CHSY1: variants seen among roughly 807,000 people sequenced by gnomAD.
CHSY1 encodes the protein N-acetylgalactosaminyl-proteoglycan 3-beta-glucuronosyltransferase 1.
In CHSY1, 13 loss-of-function variants were observed where a neutral mutation model predicts 59.8. The observed-to-expected ratio is 0.22, with a 90% CI of 0.14 to 0.35. The LOEUF (loss-of-function observed/expected upper bound fraction) is 0.35, where lower values mean the gene tolerates loss of function less well. Ranked by LOEUF, CHSY1 falls within the 10% of genes least tolerant of loss-of-function variation. CHSY1 has a pLI of 1.00. For synonymous variants in CHSY1, 459 were observed against 401.2 expected, an observed-to-expected ratio of 1.14 and a Z score of -1.72; for missense variants, 947 against 1,030.6, an observed-to-expected ratio of 0.92 and a Z score of 1.11.
intron 1 of CHSY1, among the ~76,000 whole-genome samples, chr15:101,236,624 A>G (rs540565694): frequency 2.6e-5 from 4 of 152,042 alleles, no homozygotes; most frequent in Non-Finnish European, 4.4e-5. Flanking sequence ...GATTGAGACC[A>G]TCCTGTCTAA....
chr15:101,236,102 T>C (rs959636263), intron 1 of CHSY1, among the ~76,000 whole-genome samples: 1 of 152,152 alleles, frequency 6.6e-6, no homozygotes, highest in Non-Finnish European at 1.5e-5. Context: ...TATTATGAAC[T>C]AAGAGAAGTA....
chr15:101,185,591 GACC>G, intron 2 of CHSY1, among the ~76,000 whole-genome samples: 1 of 147,272 alleles, frequency 6.8e-6, no homozygotes, highest in Middle Eastern at 3.5e-3. Context: ...CCTCCCATGT[GACC>G]ACATCAAGAG....
intron 1 of CHSY1, among the ~76,000 whole-genome samples, chr15:101,236,842 A>T (rs2038948453): frequency 6.6e-6 from 1 of 151,040 alleles, no homozygotes; most frequent in Non-Finnish European, 1.5e-5. Flanking sequence ...TAAATAAATA[A>T]AATAATTTTA....
rs775607768 is a variant in CHSY1, at chr15:101,178,694, C to T, written c.1103G>A (p.Arg368His). Residue 368 changes from arginine to histidine, a missense_variant, in exon 3 of 3, where the codon CGC becomes CAC. By Grantham distance (29) the Arg-to-His change is conservative (BLOSUM62 0). Around this residue, in one of 4 missense-constraint regions of CHSY1, gnomAD observed 602 missense variants for 676.9 expected, o/e 0.89. Transcript: ENST00000254190. The part of the protein sequence containing the change: ...IPPSFMRFQP[R>H]QREEILEWEF... ...CCATTCCAGAATCTCCTCTCGCTGG[C>T]GGGGCTGAAACCTCATGAAGGAGGG... is the stretch of plus-strand genomic sequence containing the variant. The T allele has an allele frequency of 1.3e-5, 21 of 1,614,076 alleles. No homozygotes were observed. Among genetic ancestry groups the T allele is most frequent in the East Asian group, 8.9e-5 (4 of 44,900 alleles).
At chr15:101,201,238 A>C (rs1008004118) in intron 2 of CHSY1, among the ~76,000 whole-genome samples, 1 of 152,228 alleles carries the variant, frequency 6.6e-6, no homozygotes, top group Non-Finnish European at 1.5e-5. Flanking sequence ...CTGAGATTGT[A>C]ATGCATGTCT....
chr15:101,207,519 G>C (rs1053892522), intron 2 of CHSY1, among the ~76,000 whole-genome samples: 1 of 152,000 alleles, frequency 6.6e-6, no homozygotes, highest in African/African-American at 2.4e-5. Context: ...CATATGCTCT[G>C]TATCTGTTAA....
rs562192376 is a variant in CHSY1, at chr15:101,179,688, G to A, written c.817-708C>T. Among the ~76,000 whole-genome samples the A allele has an allele frequency of 1.5e-3, 235 of 152,334 alleles. 1 individual carries two copies. Among genetic ancestry groups the A allele is most frequent in the Non-Finnish European group, 2.6e-3 (178 of 68,028 alleles). ...CCTGCTTGCTCAGCACGGGGTCTCC[G>A]GCACCAGCACGGAGCTTGGTGCCTG... On this transcript the variant is annotated intron_variant, in intron 2 of 2. Transcript: ENST00000254190.
intron 2 of CHSY1, among the ~76,000 whole-genome samples, chr15:101,216,180 A>C (rs775657783): frequency 1.4e-5 from 2 of 140,762 alleles, no homozygotes; most frequent in Non-Finnish European, 3.0e-5. Context: ...CCTCTTCCTA[A>C]AACAAAAATG....
chr15:101,245,111 A>C (rs1467043180), intron 1 of CHSY1, among the ~76,000 whole-genome samples: 1 of 152,128 alleles, frequency 6.6e-6, no homozygotes, highest in African/African-American at 2.4e-5. Context: ...GATCTTCCAA[A>C]ACACACATCC....
Position 101,176,462 on chromosome 15 carries a change from G to T in CHSY1, c.*926C>A, listed in dbSNP as rs144560619. On this transcript the variant is annotated 3_prime_UTR_variant, in exon 3 of 3. Transcript: ENST00000254190. ...TTAATATTTTACCCTTTAAAGAGAAGGGTCAAGAAGAGAAAATGCCAAATC... is the reference window on the plus strand; with the variant it reads ...TTAATATTTTACCCTTTAAAGAGAATGGTCAAGAAGAGAAAATGCCAAATC... 4 of 398,408 alleles carry T rather than the reference G, an allele frequency of 1.0e-5. No homozygotes were observed. The East Asian group carries it at 1.4e-4, about 14-fold the overall frequency. 24.7% of individuals were successfully genotyped at this position (398,408 alleles called of 1,614,324 possible).
chr15:101,179,419 C>G (rs1234660041), intron 2 of CHSY1, among the ~76,000 whole-genome samples: 1 of 152,192 alleles, frequency 6.6e-6, no homozygotes, highest in African/African-American at 2.4e-5. Context: ...TCCTGAGAGC[C>G]AGAAGAACTC....
In CHSY1 at chr15:101,235,574, T is replaced by C. The variant is rs370276917; in HGVS notation, c.324A>G (p.Thr108=). Residue 108 remains threonine, a synonymous_variant, in exon 2 of 3, where the codon ACA becomes ACG. Coordinates refer to ENST00000254190, the MANE Select transcript of CHSY1 (RefSeq NM_014918.5). The stretch of plus-strand genomic sequence containing the variant: ...CTTTCCCAGGAATTGTCTTGGACCA[T>C]GTTCTGGAATTAAAATAAATATCAG... ...LQTRAVAAYR[T]WSKTIPGKVQ... is the part of the protein sequence containing the mutation. 5.8e-5 allele frequency: 93 copies of C among 1,607,974 alleles called. No individual in the cohort carries two copies. The highest frequency in any genetic ancestry group is 8.0e-5 in the African/African-American group (6 of 74,898).
At chr15:101,191,638 G>A (rs1219667945) in intron 2 of CHSY1, among the ~76,000 whole-genome samples, 1 of 152,208 alleles carries the variant, frequency 6.6e-6, no homozygotes, top group Non-Finnish European at 1.5e-5. Context: ...GGTACAAGGT[G>A]TCCATATTGG....
intron 2 of CHSY1, among the ~76,000 whole-genome samples, chr15:101,197,078 G>C (rs2038516135): frequency 6.6e-6 from 1 of 152,148 alleles, no homozygotes; most frequent in South Asian, 2.1e-4. Flanking sequence ...CCCAAAGAAA[G>C]TGGCATTATG....
chr15:101,186,874 T>C (rs2038377010), intron 2 of CHSY1: 1 of 152,250 alleles, frequency 6.6e-6, no homozygotes, highest in Non-Finnish European at 1.5e-5. Flanking sequence ...TGCATTGTAC[T>C]AGACAGAGGA....
intron 1 of CHSY1, among the ~76,000 whole-genome samples, chr15:101,245,642 G>C (rs2141281979): frequency 6.6e-6 from 1 of 152,266 alleles, no homozygotes; most frequent in South Asian, 2.1e-4. Context: ...ATCCGCTATT[G>C]ACAGCCACAT....
intron 2 of CHSY1, among the ~76,000 whole-genome samples, chr15:101,210,049 A>G (rs1375195462): frequency 1.3e-5 from 2 of 152,204 alleles, no homozygotes; most frequent in Non-Finnish European, 2.9e-5. Flanking sequence ...CTTCCTGCCT[A>G]CTGATTAACC....
At chr15:101,205,567 T>C (rs919008254) in intron 2 of CHSY1, among the ~76,000 whole-genome samples, 5 of 152,216 alleles carry the variant, frequency 3.3e-5, no homozygotes, top group Non-Finnish European at 7.3e-5. Flanking sequence ...GAGCTTGATT[T>C]TTCTACTAAC....
chr15:101,192,394 G>A (rs368272600), intron 2 of CHSY1, among the ~76,000 whole-genome samples: 1 of 148,762 alleles, frequency 6.7e-6, no homozygotes, highest in African/African-American at 2.6e-5. Context: ...CAGGGCCTTT[G>A]CCTGCTCAGA....
Sources: allele counts gnomAD v4.1 joint callset (sites outside exome capture counted in the v4.1 genomes callset), GRCh38; gene constraint gnomAD v4.1.1; regional missense constraint gnomAD v4.1.1; transcripts MANE v1.5; gene names NCBI Gene and HGNC (gene_info 2026-07-23, HGNC 2026-07-21).